The following CSMD3 variants were observed in gnomAD, a reference collection of about 807,000 sequenced individuals.
The protein encoded by CSMD3 is CUB and sushi domain-containing protein 3.
Under a neutral mutation model 435.2 loss-of-function variants are expected in CSMD3, and 177 were observed. The observed-to-expected ratio is 0.41, with a 90% CI of 0.36 to 0.46. The LOEUF (loss-of-function observed/expected upper bound fraction) is 0.46, where lower values mean the gene tolerates loss of function less well. Ranked by LOEUF, CSMD3 falls within the 20% of genes least tolerant of loss-of-function variation. CSMD3 has a pLI of 0.34. For synonymous variants in CSMD3, 1,656 were observed against 1,520.5 expected, an observed-to-expected ratio of 1.09 and a Z score of -2.07; for missense variants, 4,265 against 4,504.6, an observed-to-expected ratio of 0.95 and a Z score of 1.52.
intron 38 of CSMD3, among the ~76,000 whole-genome samples, chr8:112,361,987 G>A (rs1313823420): frequency 6.6e-6 from 1 of 151,708 alleles, no homozygotes; most frequent in Non-Finnish European, 1.5e-5. Flanking sequence ...CTACCTTTAA[G>A]GGTTTTAAAA....
At chr8:113,013,548 G>C (rs1969113) in intron 6 of CSMD3, among the ~76,000 whole-genome samples, 100,468 of 151,932 alleles carry the variant, frequency 0.66, 34,527 homozygotes, top group East Asian at 0.95. Context: ...AATCTGACTA[G>C]AGGTAAAAGG....
intron 13 of CSMD3, among the ~76,000 whole-genome samples, chr8:112,698,940 G>A (rs561965558): frequency 2.6e-5 from 4 of 151,950 alleles, no homozygotes; most frequent in Middle Eastern, 3.4e-3. Flanking sequence ...ACCAATCAGC[G>A]CTCCTTGTCT....
chr8:112,471,732 T>A (rs1046796588), intron 32 of CSMD3, among the ~76,000 whole-genome samples: 1 of 152,190 alleles, frequency 6.6e-6, no homozygotes, highest in Non-Finnish European at 1.5e-5. Flanking sequence ...TCTCTAATGA[T>A]AAAATCCATG....
intron 1 of CSMD3, among the ~76,000 whole-genome samples, chr8:113,413,658 T>A (rs1209713184): frequency 6.6e-6 from 1 of 152,040 alleles, no homozygotes; most frequent in African/African-American, 2.4e-5. Context: ...AATGTGGGAG[T>A]ATGGATAATT....
chr8:113,107,249 T>C (rs1438711119), intron 4 of CSMD3, among the ~76,000 whole-genome samples: 1 of 152,198 alleles, frequency 6.6e-6, no homozygotes, highest in Non-Finnish European at 1.5e-5. Flanking sequence ...AGGGTGACCA[T>C]GTGGGTCATG....
chr8:112,514,564 C>T (rs1472773247), intron 28 of CSMD3, among the ~76,000 whole-genome samples: 1 of 152,116 alleles, frequency 6.6e-6, no homozygotes, highest in Non-Finnish European at 1.5e-5. Context: ...CAAAAGCCCA[C>T]TCACATTAAT....
intron 5 of CSMD3, among the ~76,000 whole-genome samples, chr8:113,081,820 A>G (rs1046749844): frequency 6.6e-6 from 1 of 152,104 alleles, no homozygotes; most frequent in East Asian, 1.9e-4. Flanking sequence ...TAGTACCCCT[A>G]TACCTCTAGG....
chr8:112,678,002 A>AT (rs916967034), intron 16 of CSMD3, among the ~76,000 whole-genome samples: 10 of 152,220 alleles, frequency 6.6e-5, no homozygotes, highest in East Asian at 1.9e-4. Context: ...CAATAATATA[A>AT]TTTTTTGTAT....
At chr8:112,535,647 T>C (rs1474443675) in intron 27 of CSMD3, among the ~76,000 whole-genome samples, 1 of 152,012 alleles carries the variant, frequency 6.6e-6, no homozygotes, top group East Asian at 1.9e-4. Context: ...CCAATGACTT[T>C]CTTCACAGAA....
chr8:112,380,215 T>C, intron 38 of CSMD3, 137 bp downstream of exon 38: 1 of 571,384 alleles, frequency 1.8e-6, no homozygotes, highest in South Asian at 2.3e-5. Flanking sequence ...ACTGAAGTAA[T>C]AGTTCAAACT....
chr8:112,309,863 T>C (rs1040871490), intron 50 of CSMD3, among the ~76,000 whole-genome samples: 2 of 152,160 alleles, frequency 1.3e-5, no homozygotes, highest in Non-Finnish European at 2.9e-5. Context: ...TTTAACTTAT[T>C]ATTGGTTGAT....
At chr8:113,150,998 T>A (rs17679991) in intron 4 of CSMD3, among the ~76,000 whole-genome samples, 5,508 of 151,972 alleles carry the variant, frequency 0.036, 157 homozygotes, top group South Asian at 0.12. Flanking sequence ...ATCAGGGAAT[T>A]TAGCACATAA....
At chr8:112,627,599 T>C (rs4534151) in intron 22 of CSMD3, among the ~76,000 whole-genome samples, 1,578 of 152,328 alleles carry the variant, frequency 0.01, 32 homozygotes, top group African/African-American at 0.037. Flanking sequence ...TAACAAGATT[T>C]ATAGTCAGAG....
intron 27 of CSMD3, among the ~76,000 whole-genome samples, chr8:112,527,016 G>GA: frequency 6.6e-6 from 1 of 151,548 alleles, no homozygotes; most frequent in South Asian, 2.1e-4. Flanking sequence ...TAATAGAAGA[G>GA]AAAAAAATGA....
intron 32 of CSMD3, among the ~76,000 whole-genome samples, chr8:112,468,954 C>T (rs1818246267): frequency 6.6e-6 from 1 of 151,866 alleles, no homozygotes; most frequent in Admixed American, 6.6e-5. Flanking sequence ...TTCAGTGATG[C>T]TCATGAAAAC....
At chr8:112,578,567 C>T (rs377274896) in intron 23 of CSMD3, among the ~76,000 whole-genome samples, 8 of 151,880 alleles carry the variant, frequency 5.3e-5, no homozygotes, top group South Asian at 2.1e-4. Context: ...ATAAGATCAC[C>T]GGTGTGCTGG....
intron 31 of CSMD3, among the ~76,000 whole-genome samples, chr8:112,480,807 C>T (rs2130796569): frequency 2.0e-5 from 3 of 152,212 alleles, no homozygotes. Flanking sequence ...TTCAGGTACT[C>T]CTTTATAGTA....
Position 112,337,649 on chromosome 8 carries a change from G to C in CSMD3, c.6735C>G (p.Thr2245=), listed in dbSNP as rs148960234. ...VIGNDFTVGQ[T]ISFECFPGYT... ...ATCCTGGGAAACATTCAAATGAAAT[G>C]GTTTGACCCACAGTAAAATCATTAC... Residue 2245 remains threonine (T), a synonymous_variant, in exon 43 of 71, where the codon ACC becomes ACG. Coordinates refer to ENST00000297405, the MANE Select transcript of CSMD3 (RefSeq NM_198123.2). 2.5e-5 allele frequency: 40 copies of C among 1,613,294 alleles called. No individual in the cohort carries two copies. Among genetic ancestry groups the C allele is most frequent in the Non-Finnish European group, 3.2e-5 (38 of 1,179,406 alleles).
intron 4 of CSMD3, among the ~76,000 whole-genome samples, chr8:113,145,363 T>G (rs954440674): frequency 6.6e-6 from 1 of 151,620 alleles, no homozygotes; most frequent in Non-Finnish European, 1.5e-5. Flanking sequence ...GTTTTGAGTA[T>G]CTCTGCAAGT....
Sources: gnomAD v4.1 joint callset for allele counts (sites outside exome capture counted in the v4.1 genomes callset) on GRCh38, gnomAD v4.1.1 for gene constraint, MANE v1.5 for transcripts, NCBI Gene and HGNC (gene_info 2026-07-23, HGNC 2026-07-21) for gene names.